ASCC3: variants seen among roughly 807,000 people sequenced by gnomAD.
ASCC3 encodes the protein ASC-1 complex subunit P200.
A neutral mutation model predicts 256.3 loss-of-function variants in ASCC3; 158 were observed. The observed-to-expected ratio is 0.62, with a 90% CI of 0.54 to 0.70. The LOEUF (loss-of-function observed/expected upper bound fraction) is 0.70. ASCC3 is among the 30% of genes least tolerant of loss of function. The pLI is 0.00. For missense variants in ASCC3, 2,259 were observed against 2,626.0 expected, an observed-to-expected ratio of 0.86 and a Z score of 3.05; for synonymous variants, 948 against 883.4, an observed-to-expected ratio of 1.07 and a Z score of -1.30.
At chr6:100,799,618 G>A (rs201700453) in intron 6 of ASCC3, 46 bp from the exon 7 acceptor site, 4 of 1,589,750 alleles carry the variant, frequency 2.5e-6, no homozygotes, top group Non-Finnish European at 3.4e-6. Flanking sequence ...TATCTTGAAA[G>A]GTAATGCATA....
intron 13 of ASCC3, among the ~76,000 whole-genome samples, chr6:100,690,687 G>A (rs1777800729): frequency 6.6e-6 from 1 of 152,056 alleles, no homozygotes; most frequent in South Asian, 2.1e-4. Flanking sequence ...TGCTGCCCTA[G>A]CTATATAAGA....
At chr6:100,790,642 T>C (rs1478543178) in intron 8 of ASCC3, among the ~76,000 whole-genome samples, 2 of 152,082 alleles carry the variant, frequency 1.3e-5, no homozygotes, top group South Asian at 4.1e-4. Context: ...ATTCATTAGA[T>C]TTTCAGATTT....
chr6:100,827,995 AAACTTT>A (rs757280952), intron 4 of ASCC3, among the ~76,000 whole-genome samples: 2 of 151,292 alleles, frequency 1.3e-5, no homozygotes, highest in Non-Finnish European at 2.9e-5. Flanking sequence ...TAAACAACTT[AAACTTT>A]ATTTCCTTTC....
At chr6:100,587,589 AACACCATG>A (rs1771766814) in intron 36 of ASCC3, among the ~76,000 whole-genome samples, 1 of 152,234 alleles carries the variant, frequency 6.6e-6, no homozygotes, top group South Asian at 2.1e-4. Context: ...CCTTGGACTA[AACACCATG>A]GGAGAAGAAG....
chr6:100,635,153 G>A (rs1774779513), intron 25 of ASCC3, among the ~76,000 whole-genome samples: 2 of 151,866 alleles, frequency 1.3e-5, no homozygotes, highest in African/African-American at 2.4e-5. Context: ...AACAATCTAA[G>A]TGCCTCAAGA....
At chr6:100,606,925 T>C (rs772374304) in intron 31 of ASCC3, 26 bp downstream of exon 31, 10 of 1,612,184 alleles carry the variant, frequency 6.2e-6, no homozygotes, top group Middle Eastern at 1.7e-4. Flanking sequence ...CATTTAAATA[T>C]GTGTTCACTG....
chr6:100,741,463 T>A (rs1052810863), intron 10 of ASCC3, among the ~76,000 whole-genome samples: 1 of 152,216 alleles, frequency 6.6e-6, no homozygotes, highest in Non-Finnish European at 1.5e-5. Flanking sequence ...CTGGATGATA[T>A]CCTGAAGTAT....
At chr6:100,529,997 T>C (rs1244478783) in intron 37 of ASCC3, among the ~76,000 whole-genome samples, 1 of 152,158 alleles carries the variant, frequency 6.6e-6, no homozygotes, top group Non-Finnish European at 1.5e-5. Context: ...ATTTTTTTTT[T>C]TTTCTTTTTT....
chr6:100,550,583 G>GA (rs1349824936), intron 36 of ASCC3, among the ~76,000 whole-genome samples: 3 of 151,948 alleles, frequency 2.0e-5, no homozygotes, highest in Non-Finnish European at 4.4e-5. Flanking sequence ...AACTCACAGA[G>GA]AATCAGCATA....
At chr6:100,614,681 TTAAC>T (rs1282073518) in intron 30 of ASCC3, among the ~76,000 whole-genome samples, 1 of 152,176 alleles carries the variant, frequency 6.6e-6, no homozygotes, top group African/African-American at 2.4e-5. Context: ...GGATATTTAG[TTAAC>T]TAATGAAAGT....
chr6:100,812,296 T>G (rs74391767), intron 4 of ASCC3, among the ~76,000 whole-genome samples: 3 of 151,976 alleles, frequency 2.0e-5, no homozygotes, highest in Non-Finnish European at 4.4e-5. Context: ...AGAAGTATGA[T>G]CCATATACTA....
intron 36 of ASCC3, among the ~76,000 whole-genome samples, chr6:100,575,535 A>G (rs1325682033): frequency 6.6e-6 from 1 of 152,058 alleles, no homozygotes; most frequent in African/African-American, 2.4e-5. Flanking sequence ...TAAAAATTCT[A>G]TTGTTCTGGT....
intron 37 of ASCC3, among the ~76,000 whole-genome samples, chr6:100,521,050 A>G (rs191832366): frequency 5.3e-5 from 8 of 152,298 alleles, no homozygotes; most frequent in African/African-American, 1.7e-4. Flanking sequence ...TATTTATTAA[A>G]TAATATAGGT....
intron 12 of ASCC3, among the ~76,000 whole-genome samples, chr6:100,716,745 A>C (rs185218297): frequency 6.6e-6 from 1 of 152,068 alleles, no homozygotes; most frequent in Admixed American, 6.6e-5. Context: ...ATGGTAACGT[A>C]CTGTAGTGAA....
intron 4 of ASCC3, 97 bp from the exon 5 acceptor site, chr6:100,805,977 C>A: frequency 1.7e-6 from 2 of 1,193,678 alleles, no homozygotes; most frequent in South Asian, 2.8e-5. Flanking sequence ...TAAAGCCAAA[C>A]TAATATAGAA....
At chr6:100,856,550 A>ACACACCTG in intron 3 of ASCC3, 1 of 495,238 alleles carries the variant, frequency 2.0e-6, no homozygotes, top group Non-Finnish European at 2.6e-6. Context: ...CAAAAAACGA[A>ACACACCTG]CACACCTGTG....
At chr6:100,662,820 A>G (rs1776289670) in intron 14 of ASCC3, among the ~76,000 whole-genome samples, 1 of 152,090 alleles carries the variant, frequency 6.6e-6, no homozygotes, top group African/African-American at 2.4e-5. Flanking sequence ...AATCAGTATT[A>G]CCTGTTTCTT....
intron 1 of ASCC3, among the ~76,000 whole-genome samples, chr6:100,870,271 T>A (rs1430782521): frequency 1.3e-5 from 2 of 151,264 alleles, no homozygotes; most frequent in Non-Finnish European, 2.9e-5. Context: ...GGCTGATGCA[T>A]GAGAATCGCT....
intron 34 of ASCC3, among the ~76,000 whole-genome samples, chr6:100,601,016 C>T (rs1435060801): frequency 1.3e-5 from 2 of 152,034 alleles, no homozygotes; most frequent in African/African-American, 4.8e-5. Context: ...TAGGTTCTGG[C>T]TACATTAAAC....
Sources: gnomAD v4.1 joint callset for allele counts (sites outside exome capture counted in the v4.1 genomes callset) on GRCh38, gnomAD v4.1.1 for gene constraint, MANE v1.5 for transcripts, NCBI Gene and HGNC (gene_info 2026-07-23, HGNC 2026-07-21) for gene names.